The following FAM227A variants were observed in gnomAD, a reference collection of about 807,000 sequenced individuals.
FAM227A encodes the protein family with sequence similarity 227 member A.
In FAM227A, 80 loss-of-function variants were observed where a neutral mutation model predicts 74.7. The ratio of observed to expected loss-of-function variants is 1.07; its 90% CI spans 0.89 to 1.29. The LOEUF is 1.29. FAM227A is among the 50% of genes most tolerant of loss of function. The probability of loss-of-function intolerance (pLI) is 0.00; values close to 1 mark genes in which losing one functional copy is unlikely to be tolerated. For synonymous variants in FAM227A, 237 were observed against 241.8 expected (o/e 0.98, Z 0.19); for missense variants, 654 against 683.4 (o/e 0.96, Z 0.48).
chr22:38,620,928 T>C (rs747291608), intron 10 of FAM227A, among the ~76,000 whole-genome samples: 13 of 152,162 alleles, frequency 8.5e-5, no homozygotes, highest in Non-Finnish European at 1.3e-4. Flanking sequence ...AAAATTAAAA[T>C]GCTTAAATGC....
chr22:38,643,549 G>A (rs1411958060), intron 3 of FAM227A, among the ~76,000 whole-genome samples: 2 of 152,076 alleles, frequency 1.3e-5, no homozygotes, highest in African/African-American at 2.4e-5. Context: ...CATCCACTGC[G>A]GGTGGGAAGG....
intron 11 of FAM227A, among the ~76,000 whole-genome samples, chr22:38,615,582 G>A (rs1221447538): frequency 1.3e-5 from 2 of 152,196 alleles, no homozygotes; most frequent in African/African-American, 2.4e-5. Context: ...CATAGACCTG[G>A]CACGTCCAAG....
chr22:38,620,011 C>T (rs1293842179), intron 11 of FAM227A, among the ~76,000 whole-genome samples: 1 of 152,166 alleles, frequency 6.6e-6, no homozygotes, highest in African/African-American at 2.4e-5. Context: ...TCTGTGAATG[C>T]CCCTTAGTAT....
intron 11 of FAM227A, among the ~76,000 whole-genome samples, chr22:38,608,157 A>C (rs2091331178): frequency 3.3e-5 from 2 of 61,128 alleles, no homozygotes; most frequent in Admixed American, 2.7e-4. Context: ...TTTCTCTACA[A>C]AAAAAAAAAA....
intron 2 of FAM227A, among the ~76,000 whole-genome samples, chr22:38,649,520 TGCACCACC>T (rs2092292190): frequency 6.7e-6 from 1 of 149,962 alleles, no homozygotes; most frequent in Non-Finnish European, 1.5e-5. Context: ...GAACTGAGAC[TGCACCACC>T]GCACTCCAGC....
intron 3 of FAM227A, among the ~76,000 whole-genome samples, chr22:38,644,628 T>C (rs1033969806): frequency 4.6e-5 from 7 of 151,878 alleles, no homozygotes; most frequent in Admixed American, 3.9e-4. Flanking sequence ...ACTCTGAATG[T>C]CGAGTGATGA....
intron 4 of FAM227A, among the ~76,000 whole-genome samples, chr22:38,639,333 C>T (rs1051421862): frequency 1.3e-5 from 2 of 150,014 alleles, no homozygotes; most frequent in African/African-American, 2.5e-5. Context: ...TGCTTGAACC[C>T]GGGAGGCGGA....
intron 16 of FAM227A, among the ~76,000 whole-genome samples, chr22:38,589,039 A>C (rs2090874468): frequency 6.6e-6 from 1 of 152,130 alleles, no homozygotes; most frequent in South Asian, 2.1e-4. Context: ...CGTGAATAAG[A>C]CCTTTTTTGG....
intron 16 of FAM227A, among the ~76,000 whole-genome samples, chr22:38,588,846 T>G (rs1862297138): frequency 7.0e-6 from 1 of 142,464 alleles, no homozygotes; most frequent in South Asian, 2.2e-4. Context: ...GAGAATGGCA[T>G]GAAGCTGGGA....
chr22:38,631,343 G>A (rs2091912111), intron 6 of FAM227A, among the ~76,000 whole-genome samples: 3 of 152,022 alleles, frequency 2.0e-5, no homozygotes, highest in African/African-American at 4.8e-5. Flanking sequence ...CACTGGGTAC[G>A]CGTGGACATA....
chr22:38,598,949 TTTTC>T (rs765400096), intron 14 of FAM227A, among the ~76,000 whole-genome samples: 97 of 148,836 alleles, frequency 6.5e-4, no homozygotes, highest in Middle Eastern at 3.5e-3. Flanking sequence ...GCCACACTTG[TTTTC>T]TTTCTTTTTT....
chr22:38,634,221 CAAAAAA>C (rs34039010), intron 6 of FAM227A, among the ~76,000 whole-genome samples: 1 of 62,156 alleles, frequency 1.6e-5, no homozygotes, highest in African/African-American at 6.0e-5. Context: ...GACTCTGTCT[CAAAAAA>C]AAAAAAAAAA....
At chr22:38,623,401 T>C (rs915615434) in intron 9 of FAM227A, 122 bp from the exon 10 acceptor site, 7 of 604,320 alleles carry the variant, frequency 1.2e-5, no homozygotes, top group Middle Eastern at 4.3e-4. Context: ...CTAGGCAACA[T>C]AGTGGGACTC....
chr22:38,600,950 CAAA>C (rs1175644017), intron 13 of FAM227A, among the ~76,000 whole-genome samples: 7 of 76,872 alleles, frequency 9.1e-5, no homozygotes, highest in Non-Finnish European at 8.9e-5. Flanking sequence ...GACTCCGTCT[CAAA>C]AAAAAAAAAA....
chr22:38,652,027 A>G lies in FAM227A; in HGVS notation c.-94-1765T>C, dbSNP rs188166437. On this transcript the variant is annotated intron_variant, in intron 1 of 16. Transcript: ENST00000535113. ...CGTGGTGAAACGCCATCTCTACTAA[A>G]ATACAAAAATTAGCTGGGCATGGTG... Among the ~76,000 whole-genome samples, 59 of 151,694 alleles carry G rather than the reference A, an allele frequency of 3.9e-4. 2 individuals carry two copies. The East Asian group carries it at 7.6e-3, about 19-fold the overall frequency.
At chr22:38,638,493 A>G (rs773885478) in intron 5 of FAM227A, among the ~76,000 whole-genome samples, 1 of 152,186 alleles carries the variant, frequency 6.6e-6, no homozygotes, top group Non-Finnish European at 1.5e-5. Context: ...AGACCTGAAC[A>G]TCTCTGAGCA....
chr22:38,635,296 A>AC (rs762006067), intron 6 of FAM227A, among the ~76,000 whole-genome samples: 1 of 150,304 alleles, frequency 6.7e-6, no homozygotes, highest in South Asian at 2.1e-4. Flanking sequence ...AGATAGAGAG[A>AC]TGGGGTGTGG....
chr22:38,604,955 T>G (rs956959383), intron 13 of FAM227A, among the ~76,000 whole-genome samples: 3 of 152,206 alleles, frequency 2.0e-5, no homozygotes, highest in African/African-American at 2.4e-5. Context: ...ATCCAGCCTT[T>G]ATTTTTTTAT....
chr22:38,621,825 A>C (rs1484116045), intron 10 of FAM227A, among the ~76,000 whole-genome samples: 1 of 152,118 alleles, frequency 6.6e-6, no homozygotes, highest in Admixed American at 6.6e-5. Flanking sequence ...TCCTTGGACC[A>C]ACACACCCTT....
Sources: allele counts gnomAD v4.1 joint callset (sites outside exome capture counted in the v4.1 genomes callset), GRCh38; gene constraint gnomAD v4.1.1; transcripts MANE v1.5; gene names NCBI Gene and HGNC (gene_info 2026-07-23, HGNC 2026-07-21).